The following AGTPBP1 variants were observed in gnomAD, a reference collection of about 807,000 sequenced individuals.
The protein encoded by AGTPBP1 is ATP/GTP binding carboxypeptidase 1, also known as cytosolic carboxypeptidase 1.
In AGTPBP1, 70 loss-of-function variants were observed where a neutral mutation model predicts 143.9. That is an observed-to-expected ratio of 0.49 (90% CI 0.40 to 0.59). The LOEUF is 0.59. AGTPBP1 is among the 20% of genes least tolerant of loss of function. The pLI is 0.00. For synonymous variants in AGTPBP1, 463 were observed against 500.2 expected (o/e 0.93, Z 0.99); for missense variants, 1,229 against 1,464.5 (o/e 0.84, Z 2.62).
chr9:85,701,319 TC>T (rs1836642258), intron 2 of AGTPBP1, among the ~76,000 whole-genome samples: 1 of 151,802 alleles, frequency 6.6e-6, no homozygotes, highest in South Asian at 2.1e-4. Flanking sequence ...AACCTCTGCT[TC>T]CCTGGTTCAA....
Position 85,655,864 on chromosome 9 carries a change from G to C in AGTPBP1, c.910-544C>G, listed in dbSNP as rs1587838149. Among the ~76,000 whole-genome samples, 3 of 152,278 alleles carry C rather than the reference G, an allele frequency of 2.0e-5. No individual in the cohort carries two copies. In the Middle Eastern group the frequency reaches 0.01, roughly 518 times the overall value. On this transcript the variant is annotated intron_variant, in intron 10 of 25. Transcript: ENST00000357081. Reference sequence around the variant, plus strand: ...TGGTTTTGAGATGGAATCTCGCTCTGTCACCCAGGCTGGAGTGAAGTAGAG... The same window carrying C: ...TGGTTTTGAGATGGAATCTCGCTCTCTCACCCAGGCTGGAGTGAAGTAGAG...
intron 1 of AGTPBP1, among the ~76,000 whole-genome samples, chr9:85,736,842 C>A (rs1823822428): frequency 6.6e-6 from 1 of 152,252 alleles, no homozygotes; most frequent in Non-Finnish European, 1.5e-5. Flanking sequence ...AGCCATGGCT[C>A]ACGCCTCTAA....
rs1833410654 is a variant in AGTPBP1, at chr9:85,655,049, C to G, written c.1087+94G>C. On this transcript the variant is annotated intron_variant, in intron 11 of 25. Coordinates refer to ENST00000357081, the MANE Select transcript of AGTPBP1 (RefSeq NM_001330701.2). ...GTTTATCACGTTAAGTAAGGCCTTC[C>G]TTTGCTGAGGAGTTAGACATAAATA... 9 of 1,153,902 alleles carry G rather than the reference C, an allele frequency of 7.8e-6. No homozygotes were observed. In the South Asian group the frequency reaches 1.8e-4, roughly 23 times the overall value. The allele number at this position is 1,153,902 out of a possible 1,614,324, so 71.5% of individuals were successfully genotyped here. A position where few individuals can be genotyped will look rare whatever the true frequency, so the allele number is the denominator to read the frequency against.
intron 17 of AGTPBP1, 119 bp downstream of exon 17, chr9:85,618,864 A>G (rs376394325): frequency 9.2e-7 from 1 of 1,092,076 alleles, no homozygotes; most frequent in Non-Finnish European, 1.3e-6. Flanking sequence ...AATTTTGAGA[A>G]CTAGAGAAAA....
the AGTPBP1 span, among the ~76,000 whole-genome samples, chr9:85,753,804 A>AGATAGATG: frequency 1.3e-3 from 190 of 147,458 alleles, no homozygotes; most frequent in African/African-American, 4.6e-3. Flanking sequence ...ATAGATAGAT[A>AGATAGATG]GATGTAAAAA....
chr9:85,620,813 T>C (rs1830886524), intron 15 of AGTPBP1, among the ~76,000 whole-genome samples: 1 of 152,198 alleles, frequency 6.6e-6, no homozygotes, highest in African/African-American at 2.4e-5. Flanking sequence ...GGGATGGTAA[T>C]TTGTTATCCT....
At chr9:85,643,054 T>C (rs1232519371) in intron 12 of AGTPBP1, 111 bp from the exon 13 acceptor site, 1 of 701,062 alleles carries the variant, frequency 1.4e-6, no homozygotes, top group Non-Finnish European at 2.4e-6. Flanking sequence ...AATTAAAGAA[T>C]AATTACTGAA....
At chr9:85,777,594 C>T in the AGTPBP1 span, among the ~76,000 whole-genome samples, 3 of 152,162 alleles carry the variant, frequency 2.0e-5, no homozygotes, top group South Asian at 6.2e-4. Flanking sequence ...GTTATCATAT[C>T]CACTTGATTA....
chr9:85,786,229 A>C, the AGTPBP1 span: 6 of 1,602,316 alleles, frequency 3.7e-6, no homozygotes, highest in Non-Finnish European at 5.1e-6. Flanking sequence ...TTCAGCAAGC[A>C]GCTTAAGAAC....
chr9:85,616,611 G>A (rs1247169322), intron 17 of AGTPBP1, among the ~76,000 whole-genome samples: 3 of 151,644 alleles, frequency 2.0e-5, no homozygotes, highest in Non-Finnish European at 4.4e-5. Context: ...TTACTCGTAA[G>A]GTGCACCCAC....
the AGTPBP1 span, among the ~76,000 whole-genome samples, chr9:85,755,130 A>G: frequency 1.2e-4 from 18 of 152,188 alleles, no homozygotes; most frequent in Non-Finnish European, 8.8e-5. Flanking sequence ...ATAACTATGC[A>G]TCTTCTTTGT....
chr9:85,765,263 G>C, the AGTPBP1 span, among the ~76,000 whole-genome samples: 1 of 152,080 alleles, frequency 6.6e-6, no homozygotes, highest in Non-Finnish European at 1.5e-5. Flanking sequence ...CTCTACTGGA[G>C]GGCACCTGAC....
At chr9:85,566,624 ATAC>A (rs1415845279) in intron 25 of AGTPBP1, among the ~76,000 whole-genome samples, 1 of 152,100 alleles carries the variant, frequency 6.6e-6, no homozygotes, top group Non-Finnish European at 1.5e-5. Flanking sequence ...ATTAGGTAAA[ATAC>A]AAAATAGGAT....
intron 14 of AGTPBP1, among the ~76,000 whole-genome samples, chr9:85,629,479 C>G (rs770047464): frequency 3.9e-5 from 6 of 152,102 alleles, no homozygotes; most frequent in Non-Finnish European, 8.8e-5. Context: ...GGGAGTGAAG[C>G]TTGGAACCAT....
intron 23 of AGTPBP1, among the ~76,000 whole-genome samples, chr9:85,582,667 G>T (rs1319047233): frequency 3.3e-5 from 5 of 151,776 alleles, no homozygotes; most frequent in Middle Eastern, 3.4e-3. Context: ...GTGACAGAGT[G>T]AGACTCCATC....
chr9:85,741,430 G>A (rs887511148), intron 1 of AGTPBP1: 1 of 985,130 alleles, frequency 1.0e-6, no homozygotes, highest in Non-Finnish European at 1.2e-6. Flanking sequence ...CGCGAGCTCG[G>A]GCCCGAGAGA....
the AGTPBP1 span, among the ~76,000 whole-genome samples, chr9:85,781,532 A>G: frequency 6.6e-6 from 1 of 152,356 alleles, no homozygotes; most frequent in Non-Finnish European, 1.5e-5. Context: ...ACCACATGAG[A>G]AGTGAATGAA....
intron 6 of AGTPBP1, 43 bp from the exon 7 acceptor site, chr9:85,672,724 T>C (rs774338096): frequency 6.9e-7 from 1 of 1,451,212 alleles, no homozygotes; most frequent in Non-Finnish European, 9.3e-7. Flanking sequence ...ATACAACTTT[T>C]CTTTTTAATT....
chr9:85,669,038 CAT>C (rs1834323045), intron 8 of AGTPBP1, among the ~76,000 whole-genome samples: 1 of 140,446 alleles, frequency 7.1e-6, no homozygotes, highest in African/African-American at 2.7e-5. Flanking sequence ...CACACACACA[CAT>C]CTCAGGATGG....
Sources: allele counts gnomAD v4.1 joint callset (sites outside exome capture counted in the v4.1 genomes callset), GRCh38; gene constraint gnomAD v4.1.1; transcripts MANE v1.5; gene names NCBI Gene and HGNC (gene_info 2026-07-23, HGNC 2026-07-21).